HOXA10: variants seen among roughly 807,000 people sequenced by gnomAD.
HOXA10 encodes homeobox protein Hox-A10.
In HOXA10, 12 loss-of-function variants were observed where a neutral mutation model predicts 29.7. The ratio of observed to expected loss-of-function variants is 0.40; its 90% CI spans 0.26 to 0.65. The LOEUF (loss-of-function observed/expected upper bound fraction) is 0.65. Among genes scored for constraint, HOXA10 ranks in the 30% least tolerant of loss-of-function variants. The pLI, the probability that HOXA10 is intolerant of heterozygous loss-of-function variation, is 0.37. For missense variants in HOXA10, 656 were observed against 585.9 expected, an observed-to-expected ratio of 1.12 and a Z score of -1.24; for synonymous variants, 327 against 280.7, an observed-to-expected ratio of 1.16 and a Z score of -1.65.
At chr7:27,179,749 T>A (rs529142307) in exon 1 of HOXA10, 20 of 729,776 alleles carry the variant, frequency 2.7e-5, no homozygotes, top group Non-Finnish European at 4.1e-5. Context: ...ACCATACCAA[T>A]CACTTCTTGA....
In HOXA10 at chr7:27,171,851, G is replaced by A; in HGVS notation, c.*48C>T. On this transcript the variant is annotated 3_prime_UTR_variant, in exon 2 of 2. Coordinates refer to ENST00000283921, the MANE Select transcript of HOXA10 (RefSeq NM_018951.4). ...TGGGCAGAGCCTGAAGACAGAGGGA[G>A]GGGACCAGCGCTCGGGAAGTGAAAA... 1 of 1,604,972 alleles carries A rather than the reference G, an allele frequency of 6.2e-7. No individual in the cohort carries two copies. Among genetic ancestry groups the A allele is most frequent in the Non-Finnish European group, 8.5e-7 (1 of 1,172,000 alleles).
chr7:27,178,374 CT>C (rs2115456937), upstream of HOXA10, among the ~76,000 whole-genome samples: 1 of 152,350 alleles, frequency 6.6e-6, no homozygotes, highest in African/African-American at 2.4e-5. Context: ...TTTGATGTGT[CT>C]GTTTTGAATC....
intron 1 of HOXA10, 86 bp from the exon 2 acceptor site, chr7:27,172,259 T>C: frequency 7.4e-7 from 1 of 1,345,464 alleles, no homozygotes; most frequent in African/African-American, 1.4e-5. Context: ...GTTTCTCCCA[T>C]AAGAGAGATG....
intron 1 of HOXA10, chr7:27,172,956 C>T (rs1385251932): frequency 7.9e-6 from 2 of 253,502 alleles, no homozygotes; most frequent in Non-Finnish European, 1.5e-5. Context: ...GCCTTACAAA[C>T]ATCCGCGCTA....
chr7:27,179,678 C>G, exon 1 of HOXA10: 2 of 778,270 alleles, frequency 2.6e-6, no homozygotes, highest in Non-Finnish European at 4.8e-6. Context: ...TGCCAAGGGA[C>G]AGCTGGCTTC....
At chr7:27,177,384 T>C (rs531085986), upstream of HOXA10, among the ~76,000 whole-genome samples, 138 of 152,276 alleles carry the variant, frequency 9.1e-4, 2 homozygotes, top group African/African-American at 3.1e-3. Flanking sequence ...GGCCCAGGAC[T>C]GCCTTCCAAC....
rs1365084355 is a variant in HOXA10, at chr7:27,170,699, GAAGTA to G, written c.*1195_*1199del. The G allele has an allele frequency of 2.3e-6, 1 of 425,606 alleles. No homozygotes were observed. Among genetic ancestry groups the G allele is most frequent in the Non-Finnish European group, 4.6e-6 (1 of 217,752 alleles). 26.4% of individuals were successfully genotyped at this position (425,606 alleles called of 1,614,324 possible). A position where few individuals can be genotyped will look rare whatever the true frequency, so the allele number is the denominator to read the frequency against. ...ATTAATTTATTCTGATTTAAGATTA[GAAGTA>G]AATAGAGCTAGAACTAACATTTATA... On this transcript the variant is annotated 3_prime_UTR_variant, in exon 2 of 2. Transcript: ENST00000283921.
At chr7:27,177,981 G>T (rs953309463), upstream of HOXA10, among the ~76,000 whole-genome samples, 1 of 152,232 alleles carries the variant, frequency 6.6e-6, no homozygotes, top group Non-Finnish European at 1.5e-5. Flanking sequence ...CATGGATTAA[G>T]GCCTTCGGCA....
chr7:27,172,429 G>A (rs1311539135), intron 1 of HOXA10: 1 of 557,500 alleles, frequency 1.8e-6, no homozygotes, highest in African/African-American at 1.9e-5. Flanking sequence ...TTAGCGCTAA[G>A]CCGTAGATGC....
At position 27,173,876 on chromosome 7, in the gene HOXA10, G is replaced by T. The variant is rs746381073; in HGVS notation, c.431C>A (p.Pro144Gln). ...CGGCGCTGGCTGGGGTGGTTGCGGCGGGGGCGGCGGCTGCTGCTGGGGCGG... is the reference window on the plus strand; with the variant it reads ...CGGCGCTGGCTGGGGTGGTTGCGGCTGGGGCGGCGGCTGCTGCTGGGGCGG... ...PPPPQQQPPP[P>Q]PQPPQPAPQA... Residue 144 changes from proline (P) to glutamine (Q), a missense_variant, in exon 1 of 2, where the codon CCG becomes CAG. By Grantham distance (76) the Pro-to-Gln change is moderately conservative (BLOSUM62 -1). Around this residue, in one of 2 missense-constraint regions of HOXA10, gnomAD observed 594 missense variants for 491.9 expected, o/e 1.21. Transcript: ENST00000283921. 3.2e-6 allele frequency: 5 copies of T among 1,582,442 alleles called. No homozygotes were observed. Among genetic ancestry groups the T allele is most frequent in the East Asian group, 2.3e-5 (1 of 42,786 alleles).
upstream of HOXA10, among the ~76,000 whole-genome samples, chr7:27,177,460 C>T (rs1316262983): frequency 2.0e-5 from 3 of 152,198 alleles, no homozygotes; most frequent in East Asian, 5.8e-4. Flanking sequence ...CGGCTGCAGG[C>T]GGGCCGGCTG....
In HOXA10 at chr7:27,174,022, G is replaced by T; in HGVS notation, c.285C>A (p.Gly95=). The part of the protein sequence containing the change: ...GGKRNEAASP[G]SGGGGGGLGP... ...CTAGACCCCCGCCACCGCCACCGCT[G>T]CCCGGCGACGCTGCCTCATTGCGCT... The change falls in exon 1 of 2, where the codon GGC becomes GGA. Residue 95 remains glycine, a synonymous_variant. Transcript: ENST00000283921. 2 of 1,529,234 alleles carry T rather than the reference G, an allele frequency of 1.3e-6. No homozygotes were observed. The highest frequency in any genetic ancestry group is 1.7e-6 in the Non-Finnish European group (2 of 1,144,266). The allele number at this position is 1,529,234 out of a possible 1,614,324, so 94.7% of individuals were successfully genotyped here. A position where few individuals can be genotyped will look rare whatever the true frequency, so the allele number is the denominator to read the frequency against.
upstream of HOXA10, among the ~76,000 whole-genome samples, chr7:27,176,469 G>C (rs1350903296): frequency 6.6e-6 from 1 of 152,258 alleles, no homozygotes; most frequent in Non-Finnish European, 1.5e-5. Flanking sequence ...CTGCTCACCA[G>C]AAGGGTGGAA....
upstream of HOXA10, among the ~76,000 whole-genome samples, chr7:27,177,058 G>T (rs1467728765): frequency 6.6e-6 from 1 of 152,228 alleles, no homozygotes; most frequent in South Asian, 2.1e-4. Flanking sequence ...GCCCCGTAGG[G>T]CAGCCAAATG....
rs1783479086 is a variant in HOXA10 at position 27,171,362 on chromosome 7, T to C, written c.*537A>G. On this transcript the variant is annotated 3_prime_UTR_variant, in exon 2 of 2. Transcript: ENST00000283921. ...TGTCCATGCCTGTAAGCCCTTCTCTTGGCCAAGGAAGAAAGGAAGAAAGAA... is the reference window on the plus strand; with the variant it reads ...TGTCCATGCCTGTAAGCCCTTCTCTCGGCCAAGGAAGAAAGGAAGAAAGAA... 2.2e-6 allele frequency: 1 copy of C among 454,358 alleles called. No individual in the cohort carries two copies. Among genetic ancestry groups the C allele is most frequent in the African/African-American group, 2.0e-5 (1 of 50,018 alleles). The allele number at this position is 454,358 out of a possible 1,614,324, so 28.1% of individuals were successfully genotyped here. A position where few individuals can be genotyped will look rare whatever the true frequency, so the allele number is the denominator to read the frequency against.
upstream of HOXA10, chr7:27,174,425 G>C (rs1479982389): frequency 4.0e-6 from 6 of 1,510,228 alleles, no homozygotes; most frequent in South Asian, 1.2e-5. Flanking sequence ...TCGTAGGCGC[G>C]GGGCCGCTCT....
rs1037795249 is a variant in HOXA10 at position 27,173,621 on chromosome 7, C to A, written c.686G>T (p.Gly229Val). Reference sequence around the variant, plus strand: ...CCCGAGTTGCTGCGCGCCGCCGCCGCCGCTGCCATAGCCCTTGGCGGTGCC... The same window carrying A: ...CCCGAGTTGCTGCGCGCCGCCGCCGACGCTGCCATAGCCCTTGGCGGTGCC... ...AYGTAKGYGS[G>V]GGGAQQLGAG... is the part of the protein sequence containing the mutation. Residue 229 changes from glycine to valine, a missense_variant, in exon 1 of 2, where the codon GGC becomes GTC. By Grantham distance (109) the Gly-to-Val change is moderately radical (BLOSUM62 -3). Around this residue, in one of 2 missense-constraint regions of HOXA10, gnomAD observed 594 missense variants for 491.9 expected, o/e 1.21. Coordinates refer to ENST00000283921, the MANE Select transcript of HOXA10 (RefSeq NM_018951.4). The A allele has an allele frequency of 5.9e-6, 9 of 1,535,150 alleles. No individual in the cohort carries two copies. Among genetic ancestry groups the A allele is most frequent in the Non-Finnish European group, 7.0e-6 (8 of 1,141,498 alleles).
chr7:27,177,879 C>T (rs1783681126), upstream of HOXA10, among the ~76,000 whole-genome samples: 1 of 152,182 alleles, frequency 6.6e-6, no homozygotes, highest in Non-Finnish European at 1.5e-5. Context: ...CAGTCACCTC[C>T]AGAGCCCATG....
chr7:27,179,020 A>G (rs1462208056), upstream of HOXA10, among the ~76,000 whole-genome samples: 4 of 152,234 alleles, frequency 2.6e-5, no homozygotes. Flanking sequence ...TAATTTTCAT[A>G]TGTAAGAAAT....
Sources: allele counts gnomAD v4.1 joint callset (sites outside exome capture counted in the v4.1 genomes callset), GRCh38; gene constraint gnomAD v4.1.1; regional missense constraint gnomAD v4.1.1; transcripts MANE v1.5; gene names NCBI Gene and HGNC (gene_info 2026-07-23, HGNC 2026-07-21).